The following SLIT2 variants were observed in gnomAD, a reference collection of about 807,000 sequenced individuals.
SLIT2 encodes slit homolog 2 protein.
SLIT2 carries 41 observed loss-of-function variants against 185.7 expected under a neutral mutation model. The ratio of observed to expected loss-of-function variants is 0.22; its 90% CI spans 0.17 to 0.29. The LOEUF is 0.29. SLIT2 is among the 10% of genes least tolerant of loss of function. The probability of loss-of-function intolerance (pLI) is 1.00; values close to 1 mark genes in which losing one functional copy is unlikely to be tolerated. For synonymous variants in SLIT2, 693 were observed against 680.2 expected, an observed-to-expected ratio of 1.02 and a Z score of -0.29; for missense variants, 1,571 against 1,909.0, an observed-to-expected ratio of 0.82 and a Z score of 3.30.
At chr4:20,377,791 C>T (rs891707796) in intron 4 of SLIT2, among the ~76,000 whole-genome samples, 2 of 152,122 alleles carry the variant, frequency 1.3e-5, no homozygotes, top group Admixed American at 1.3e-4. Context: ...TCAGACTGCT[C>T]CCCTTAGTCC....
chr4:20,498,309 G>A (rs1718415231), intron 9 of SLIT2, among the ~76,000 whole-genome samples: 1 of 152,190 alleles, frequency 6.6e-6, no homozygotes, highest in Admixed American at 6.5e-5. Flanking sequence ...TTGCTGCCTT[G>A]GGGTCATCCC....
In SLIT2 at chr4:20,321,374, G is replaced by A. The variant is rs140710519; in HGVS notation, c.395+52493G>A. On this transcript the variant is annotated intron_variant, in intron 4 of 36. Coordinates refer to ENST00000504154, the MANE Select transcript of SLIT2 (RefSeq NM_004787.4). ...TGTGGCTGGCCCTCACTAACGCTTG[G>A]CTCCCCTGCTAGCAGGAAAATCTTC... Among the ~76,000 whole-genome samples, 403 of 152,214 alleles carry A rather than the reference G, an allele frequency of 2.6e-3. 2 individuals are homozygous for A. Among genetic ancestry groups the A allele is most frequent in the African/African-American group, 8.9e-3 (371 of 41,530 alleles).
intron 9 of SLIT2, 92 bp downstream of exon 9, chr4:20,491,991 A>G: frequency 8.1e-7 from 1 of 1,241,136 alleles, no homozygotes; most frequent in East Asian, 2.4e-5. Flanking sequence ...TCGAAGGCAC[A>G]TCTGATCAAT....
chr4:20,312,048 T>C (rs1425719278), intron 4 of SLIT2, among the ~76,000 whole-genome samples: 1 of 152,210 alleles, frequency 6.6e-6, no homozygotes, highest in East Asian at 1.9e-4. Flanking sequence ...CTAAAGAATT[T>C]AGTCTTGTTT....
In SLIT2 at chr4:20,381,798, A is replaced by T. The variant is rs145028590; in HGVS notation, c.396-85954A>T. On this transcript the variant is annotated intron_variant, in intron 4 of 36. Coordinates refer to ENST00000504154, the MANE Select transcript of SLIT2 (RefSeq NM_004787.4). ...GTCTACACAGATTTTTTTAGAAAATAGAAAAGGAGAGAATACTTCTCAATG... is the reference window on the plus strand; with the variant it reads ...GTCTACACAGATTTTTTTAGAAAATTGAAAAGGAGAGAATACTTCTCAATG... 9.3e-4 allele frequency among the ~76,000 whole-genome samples: 141 copies of T among 152,254 alleles called. 1 individual carries two copies. Among genetic ancestry groups the T allele is most frequent in the African/African-American group, 3.2e-3 (131 of 41,574 alleles).
intron 4 of SLIT2, among the ~76,000 whole-genome samples, chr4:20,433,292 A>G (rs972872808): frequency 6.6e-6 from 1 of 152,256 alleles, no homozygotes; most frequent in South Asian, 2.1e-4. Context: ...GTGGCCTTTC[A>G]TTATCTATCT....
chr4:20,418,302 G>A (rs1047490557), intron 4 of SLIT2, among the ~76,000 whole-genome samples: 3 of 152,234 alleles, frequency 2.0e-5, no homozygotes, highest in African/African-American at 4.8e-5. Flanking sequence ...CTAGAGACAA[G>A]GATTCAAAAT....
intron 33 of SLIT2, among the ~76,000 whole-genome samples, chr4:20,600,388 A>G (rs1394428037): frequency 6.9e-6 from 1 of 144,238 alleles, no homozygotes; most frequent in Non-Finnish European, 1.5e-5. Context: ...ATCTTGTGAC[A>G]TTTATAAAGG....
chr4:20,511,925 A>G (rs758603264), intron 11 of SLIT2, among the ~76,000 whole-genome samples: 29 of 152,014 alleles, frequency 1.9e-4, no homozygotes, highest in Non-Finnish European at 4.1e-4. Context: ...TTAATCTCTC[A>G]AAGAACAAAG....
intron 4 of SLIT2, among the ~76,000 whole-genome samples, chr4:20,302,245 C>G (rs979163924): frequency 1.3e-5 from 2 of 151,942 alleles, no homozygotes; most frequent in African/African-American, 4.8e-5. Flanking sequence ...ATTTTCTTTG[C>G]CTATTATAAG....
At chr4:20,495,115 T>TGGTA (rs1718117703) in intron 9 of SLIT2, among the ~76,000 whole-genome samples, 1 of 152,096 alleles carries the variant, frequency 6.6e-6, no homozygotes, top group African/African-American at 2.4e-5. Flanking sequence ...TTTGATAGAG[T>TGGTA]GGTAGGTCAA....
intron 4 of SLIT2, among the ~76,000 whole-genome samples, chr4:20,330,491 G>T (rs1220557552): frequency 1.3e-5 from 2 of 152,062 alleles, no homozygotes; most frequent in Non-Finnish European, 2.9e-5. Context: ...CATTTGAGTG[G>T]TATCTTAGAA....
intron 29 of SLIT2, among the ~76,000 whole-genome samples, chr4:20,582,953 A>T (rs923851708): frequency 1.3e-5 from 2 of 152,208 alleles, no homozygotes; most frequent in Non-Finnish European, 2.9e-5. Flanking sequence ...GGATAGAGAT[A>T]ATTTACGTGC....
chr4:20,332,506 A>AC (rs1720155680), intron 4 of SLIT2, among the ~76,000 whole-genome samples: 1 of 151,812 alleles, frequency 6.6e-6, no homozygotes, highest in African/African-American at 2.4e-5. Flanking sequence ...ATGTGGTGAA[A>AC]CCCCATCTAT....
chr4:20,524,500 G>A (rs753462307), intron 14 of SLIT2, among the ~76,000 whole-genome samples: 3 of 152,114 alleles, frequency 2.0e-5, no homozygotes, highest in Admixed American at 2.0e-4. Flanking sequence ...AGTATGTTAA[G>A]TCTCATGTTT....
At chr4:20,420,410 C>T (rs1728083522) in intron 4 of SLIT2, among the ~76,000 whole-genome samples, 1 of 152,176 alleles carries the variant, frequency 6.6e-6, no homozygotes, top group Non-Finnish European at 1.5e-5. Context: ...ATTGATGCAA[C>T]ACTTTGTATG....
chr4:20,515,596 G>A (rs1342330367), intron 11 of SLIT2, among the ~76,000 whole-genome samples: 4 of 152,056 alleles, frequency 2.6e-5, no homozygotes, highest in African/African-American at 4.8e-5. Flanking sequence ...TTAAAAGGTA[G>A]CACCTCTGTT....
intron 4 of SLIT2, among the ~76,000 whole-genome samples, chr4:20,407,003 A>G (rs1418758545): frequency 1.3e-5 from 2 of 151,556 alleles, no homozygotes; most frequent in Non-Finnish European, 3.0e-5. Flanking sequence ...ATACAGCAAC[A>G]CAAAGTCTTC....
chr4:20,616,676 A>G (rs1729678713), intron 34 of SLIT2: 1 of 426,192 alleles, frequency 2.3e-6, no homozygotes, highest in Admixed American at 4.1e-5. Flanking sequence ...ACCACCAATC[A>G]ACTAGGTATT....
Sources: gnomAD v4.1 joint callset for allele counts (sites outside exome capture counted in the v4.1 genomes callset) on GRCh38, gnomAD v4.1.1 for gene constraint, MANE v1.5 for transcripts, NCBI Gene and HGNC (gene_info 2026-07-23, HGNC 2026-07-21) for gene names.